KIAA1217: variants seen among roughly 807,000 people sequenced by gnomAD.
The protein encoded by KIAA1217 is KIAA1217.
In KIAA1217, 88 loss-of-function variants were observed where a neutral mutation model predicts 163.9. The observed-to-expected ratio is 0.54, with a 90% CI of 0.45 to 0.64. The LOEUF (loss-of-function observed/expected upper bound fraction) is 0.64. Among genes scored for constraint, KIAA1217 ranks in the 30% least tolerant of loss-of-function variants. The pLI is 0.00. For synonymous variants in KIAA1217, 903 were observed against 923.1 expected, an observed-to-expected ratio of 0.98 and a Z score of 0.39; for missense variants, 2,372 against 2,475.0, an observed-to-expected ratio of 0.96 and a Z score of 0.88.
chr10:24,187,507 GA>G (rs2066494013), intron 2 of KIAA1217, among the ~76,000 whole-genome samples: 1 of 152,220 alleles, frequency 6.6e-6, no homozygotes, highest in Admixed American at 6.5e-5. Flanking sequence ...CAGAGAAAGA[GA>G]ACCAGTACAC....
chr10:24,153,749 C>T (rs530166558), intron 2 of KIAA1217, among the ~76,000 whole-genome samples: 3 of 152,274 alleles, frequency 2.0e-5, no homozygotes, highest in Non-Finnish European at 2.9e-5. Flanking sequence ...TGTGTCACTC[C>T]TGGGCCAGTG....
At chr10:23,973,460 C>A (rs1288406983) in intron 1 of KIAA1217, among the ~76,000 whole-genome samples, 1 of 152,192 alleles carries the variant, frequency 6.6e-6, no homozygotes, top group East Asian at 1.9e-4. Context: ...TCAGATCTAC[C>A]TGAATCTAAA....
At chr10:23,852,944 G>T (rs543732818) in intron 1 of KIAA1217, among the ~76,000 whole-genome samples, 10 of 152,256 alleles carry the variant, frequency 6.6e-5, no homozygotes, top group African/African-American at 2.4e-4. Context: ...AGATATACAA[G>T]CATGTCACCT....
chr10:23,927,421 T>A (rs1843071820), intron 1 of KIAA1217, among the ~76,000 whole-genome samples: 1 of 151,700 alleles, frequency 6.6e-6, no homozygotes, highest in African/African-American at 2.4e-5. Context: ...ATTATTCTAT[T>A]TAAAGTGTAA....
At chr10:24,223,713 T>G (rs986607317) in intron 2 of KIAA1217, among the ~76,000 whole-genome samples, 1 of 131,448 alleles carries the variant, frequency 7.6e-6, no homozygotes, top group East Asian at 2.0e-4. Context: ...TCTAGGTTCT[T>G]TTTTTTTTTT....
intron 16 of KIAA1217, among the ~76,000 whole-genome samples, chr10:24,534,747 G>C (rs891163411): frequency 6.6e-6 from 1 of 151,960 alleles, no homozygotes; most frequent in Non-Finnish European, 1.5e-5. Flanking sequence ...TGGGCATGGT[G>C]GTGGGTGCCT....
At chr10:23,743,106 G>A (rs1021098579) in intron 1 of KIAA1217, among the ~76,000 whole-genome samples, 8 of 152,110 alleles carry the variant, frequency 5.3e-5, no homozygotes, top group African/African-American at 1.9e-4. Flanking sequence ...ACAGATTGCT[G>A]GGAATTTCTG....
intron 1 of KIAA1217, among the ~76,000 whole-genome samples, chr10:23,795,038 G>GGT (rs1836134232): frequency 1.3e-5 from 2 of 152,262 alleles, no homozygotes; most frequent in Middle Eastern, 3.4e-3. Flanking sequence ...AGTGCTCCTG[G>GGT]GTGTGTGTGA....
chr10:24,043,580 G>A lies in KIAA1217; in HGVS notation c.-171+36206G>A, dbSNP rs139849650. 3.0e-3 allele frequency among the ~76,000 whole-genome samples: 462 copies of A among 152,232 alleles called. 2 individuals carry two copies. Among genetic ancestry groups the A allele is most frequent in the African/African-American group, 0.011 (442 of 41,548 alleles). On this transcript the variant is annotated intron_variant, in intron 2 of 18. Transcript: ENST00000376462. ...CCAAAATGCTTCATAAAAGGCACATGCAATGAACACTAGAAGACCTTAGAA... is the reference window on the plus strand; with the variant it reads ...CCAAAATGCTTCATAAAAGGCACATACAATGAACACTAGAAGACCTTAGAA...
rs1844341429 is a variant in KIAA1217 at position 23,951,639 on chromosome 10, A to AGCAG, written c.-320-55583_-320-55582insGGCA. Among the ~76,000 whole-genome samples, 5 of 151,974 alleles carry AGCAG rather than the reference A, an allele frequency of 3.3e-5. No individual in the cohort carries two copies. In the South Asian group the frequency reaches 1.0e-3, roughly 32 times the overall value. On this transcript the variant is annotated intron_variant, in intron 1 of 18. Coordinates refer to the KIAA1217 transcript ENST00000376462. ...CTGCACTCCAGCCTGCAAGCAAGCA[A>AGCAG]GCAAGCAAGCAAGCAAGAGGACGAT... is the stretch of plus-strand genomic sequence containing the variant.
chr10:24,520,644 A>AAAAG (rs2071005850), intron 11 of KIAA1217, among the ~76,000 whole-genome samples: 5 of 89,934 alleles, frequency 5.6e-5, no homozygotes, highest in African/African-American at 2.2e-4. Context: ...AAAAAAAAAA[A>AAAAG]AAAAAAAATA....
chr10:23,754,866 G>A (rs1347659723), intron 1 of KIAA1217, among the ~76,000 whole-genome samples: 7 of 149,570 alleles, frequency 4.7e-5, no homozygotes, highest in Non-Finnish European at 8.9e-5. Context: ...AATGAGACTT[G>A]CTAATTTTTT....
At chr10:23,990,527 T>C (rs947533621) in intron 1 of KIAA1217, among the ~76,000 whole-genome samples, 8 of 152,216 alleles carry the variant, frequency 5.3e-5, no homozygotes, top group African/African-American at 1.9e-4. Context: ...TTTCTGTGGG[T>C]GCTCCTCCAC....
intron 2 of KIAA1217, chr10:24,158,108 A>G: frequency 2.6e-6 from 2 of 754,990 alleles, no homozygotes; most frequent in Non-Finnish European, 5.0e-6. Flanking sequence ...AGTTAGAAGT[A>G]TATATGATGA....
intron 1 of KIAA1217, among the ~76,000 whole-genome samples, chr10:23,700,331 A>C (rs7091434): frequency 0.41 from 62,478 of 151,916 alleles, 17,493 homozygotes; most frequent in African/African-American, 0.8. Flanking sequence ...ACCAAGCTGC[A>C]GTCATATCCC....
At chr10:24,372,090 T>C (rs2051737815) in intron 2 of KIAA1217, among the ~76,000 whole-genome samples, 1 of 152,108 alleles carries the variant, frequency 6.6e-6, no homozygotes, top group South Asian at 2.1e-4. Flanking sequence ...TGAAAACCCA[T>C]TGAATACTAC....
chr10:24,129,849 T>C (rs1247523970), intron 2 of KIAA1217, among the ~76,000 whole-genome samples: 1 of 152,104 alleles, frequency 6.6e-6, no homozygotes, highest in African/African-American at 2.4e-5. Context: ...CATTGACTTA[T>C]TATTATTTTG....
chr10:24,278,862 T>TC, intron 2 of KIAA1217, among the ~76,000 whole-genome samples: 1 of 151,442 alleles, frequency 6.6e-6, no homozygotes, highest in African/African-American at 2.4e-5. Context: ...TACTTTTTTT[T>TC]TTTTTTTTCT....
At chr10:23,737,736 T>C (rs745837950) in intron 1 of KIAA1217, among the ~76,000 whole-genome samples, 4 of 152,234 alleles carry the variant, frequency 2.6e-5, no homozygotes, top group Non-Finnish European at 4.4e-5. Flanking sequence ...TTTGTGAGAA[T>C]ACATTATTTT....
Sources: gnomAD v4.1 joint callset for allele counts (sites outside exome capture counted in the v4.1 genomes callset) on GRCh38, gnomAD v4.1.1 for gene constraint, MANE v1.5 for transcripts, NCBI Gene and HGNC (gene_info 2026-07-23, HGNC 2026-07-21) for gene names.